Variants in ROBO3 observed in about 807,000 individuals in gnomAD.
ROBO3 encodes the protein roundabout guidance receptor 3, also known as roundabout homolog 3.
A neutral mutation model predicts 160.5 loss-of-function variants in ROBO3; 97 were observed. That is an observed-to-expected ratio of 0.60 (90% confidence interval 0.51 to 0.72). The LOEUF is 0.72. Ranked by LOEUF, ROBO3 falls within the 30% of genes least tolerant of loss-of-function variation. ROBO3 has a pLI of 0.00. For missense variants in ROBO3, 1,858 were observed against 1,846.5 expected (o/e 1.01, Z -0.11); for synonymous variants, 780 against 746.2 (o/e 1.05, Z -0.74).
rs1946250582 is a variant in ROBO3 at position 124,869,482 on chromosome 11, A to G, written c.520A>G (p.Asn174Asp). ...LRDDFRQSPGNVVVAVGEPAV... is the reference protein window; with the variant it reads ...LRDDFRQSPGDVVVAVGEPAV... ...TGATGATTTCCGGCAGTCTCCTGGA[A>G]ACGTGGTGGTGGCAGTGGGGGAGCC... Residue 174 changes from asparagine (N) to aspartate (D), a missense_variant, in exon 3 of 28, where the codon AAC (asparagine) becomes GAC (aspartate). Coordinates refer to ENST00000397801, the MANE Select transcript of ROBO3 (RefSeq NM_022370.4). This position sits in a 1 kb window ranked among gnomAD's most constrained non-coding sequence, Gnocchi z 4.2. 6.7e-6 allele frequency: 10 copies of G among 1,502,552 alleles called. No homozygotes were observed. Among genetic ancestry groups the G allele is most frequent in the Admixed American group, 2.0e-5 (1 of 50,876 alleles). 93.1% of individuals were successfully genotyped at this position (1,502,552 alleles called of 1,614,324 possible).
Position 124,873,677 on chromosome 11 carries a change from A to G in ROBO3, c.1619-20A>G. The stretch of plus-strand genomic sequence containing the variant: ...TATCCTTTCCCTATCTTTCTACTTA[A>G]AGATTATCTCCCACTGCAGAAGACT... On this transcript the variant is annotated intron_variant, in intron 10 of 27. Transcript: ENST00000397801. This position sits in a 1 kb window ranked among gnomAD's most constrained non-coding sequence, Gnocchi z 4.5. The G allele has an allele frequency of 6.3e-7, 1 of 1,593,996 alleles. No individual in the cohort carries two copies. The highest frequency in any genetic ancestry group is 8.5e-7 in the Non-Finnish European group (1 of 1,169,928).
intron 6 of ROBO3, 102 bp downstream of exon 6, chr11:124,870,830 G>A: frequency 6.5e-7 from 1 of 1,545,032 alleles, no homozygotes; most frequent in Non-Finnish European, 8.8e-7. Flanking sequence ...AAGGGCATGT[G>A]GATGGAACAC....
rs1258392367 is a variant in ROBO3 at position 124,879,306 on chromosome 11, C to A, written c.3650C>A (p.Pro1217His). The A allele has an allele frequency of 7.5e-6, 12 of 1,607,658 alleles. No individual in the cohort carries two copies. The East Asian group carries it at 2.7e-4, about 36-fold the overall frequency. ...AGPAASPHLS[P>H]SPAPSTASSA... is the part of the protein sequence containing the mutation. ...CCTGCAGCCTCACCCCACCTCAGCC[C>A]CAGTCCTGCCCCTAGCACAGCCAGC... Residue 1217 changes from proline to histidine, a missense_variant, in exon 24 of 28, where the codon CCC becomes CAC. Pro to His is a moderately conservative substitution (Grantham distance 77). Transcript: ENST00000397801.
At chr11:124,877,224 G>A (rs748000368) in intron 18 of ROBO3, 40 bp downstream of exon 18, 3 of 1,613,974 alleles carry the variant, frequency 1.9e-6, no homozygotes, top group South Asian at 1.1e-5. Flanking sequence ...GACCCCCCGG[G>A]ACGGGCCCTT....
At chr11:124,874,322 T>A (rs1946320938) in intron 12 of ROBO3, 86 bp downstream of exon 12, 1 of 1,247,368 alleles carries the variant, frequency 8.0e-7, no homozygotes, top group African/African-American at 1.5e-5. Context: ...ACCACGGCAG[T>A]TCATACAGTT....
At chr11:124,866,073 G>A (rs949990989) in intron 1 of ROBO3, among the ~76,000 whole-genome samples, 4 of 152,208 alleles carry the variant, frequency 2.6e-5, no homozygotes, top group African/African-American at 4.8e-5. Context: ...AGCGCAGGGA[G>A]GGCAGAGGAG....
chr11:124,868,891 C>T lies in ROBO3; in HGVS notation c.250C>T (p.Pro84Ser), dbSNP rs1440060658. 6.2e-7 allele frequency: 1 copy of T among 1,608,256 alleles called. No homozygotes were observed. The highest frequency in any genetic ancestry group is 8.5e-7 in the Non-Finnish European group (1 of 1,177,994). The change falls in exon 2 of 28, where the codon CCC (proline) becomes TCC (serine). Residue 84 changes from proline to serine, a missense_variant. Transcript: ENST00000397801. The part of the protein sequence containing the change: ...LVSRGEPATL[P>S]CRAEGRPRPN... ...CTCCCGAGGCGAGCCCGCCACGTTG[C>T]CCTGCCGCGCTGAAGGCCGACCCCG...
At chr11:124,879,646 T>C in intron 25 of ROBO3, 71 bp downstream of exon 25, 1 of 1,511,508 alleles carries the variant, frequency 6.6e-7, no homozygotes, top group Non-Finnish European at 9.1e-7. Context: ...AAGGGTGCAC[T>C]CTGGGGGCTG....
rs988041660 is a variant in ROBO3 at position 124,865,844 on chromosome 11, T to A, written c.160+107T>A. 2 of 1,287,822 alleles carry A rather than the reference T, an allele frequency of 1.6e-6. No homozygotes were observed. The highest frequency in any genetic ancestry group is 3.0e-5 in the African/African-American group (2 of 67,044). The allele number at this position is 1,287,822 out of a possible 1,614,324, so 79.8% of individuals were successfully genotyped here. A position where few individuals can be genotyped will look rare whatever the true frequency, so the allele number is the denominator to read the frequency against. ...TCCTGTCCCGAGGTCCGGGATTGAG[T>A]GGCGCCTCCCAGCGCCTCCCTGGGT... On this transcript the variant is annotated intron_variant, in intron 1 of 27. Transcript: ENST00000397801. This position sits in a 1 kb window ranked among gnomAD's most constrained non-coding sequence, Gnocchi z 5.5.
Position 124,878,618 on chromosome 11 carries a change from G to C in ROBO3, c.3355G>C (p.Glu1119Gln). The change falls in exon 23 of 28, where the codon GAG becomes CAG. Residue 1119 changes from glutamate (E) to glutamine (Q), a missense_variant. Transcript: ENST00000397801. This position sits in a 1 kb window ranked among gnomAD's most constrained non-coding sequence, Gnocchi z 4.3. ...AGAGGAGTGGTGCCCGCCAATGCCT[G>C]AGAGAAGTCACCTGACGGAGCCCAG... The part of the protein sequence containing the change: ...EPEEWCPPMP[E>Q]RSHLTEPSSS... 1 of 1,612,982 alleles carries C rather than the reference G, an allele frequency of 6.2e-7. No individual in the cohort carries two copies. Among genetic ancestry groups the C allele is most frequent in the Non-Finnish European group, 8.5e-7 (1 of 1,179,502 alleles).
In ROBO3 at chr11:124,873,703, G is replaced by A. The variant is rs2135330667; in HGVS notation, c.1625G>A (p.Trp542Ter). 1 of 1,611,172 alleles carries A rather than the reference G, an allele frequency of 6.2e-7. No homozygotes were observed. The highest frequency in any genetic ancestry group is 8.5e-7 in the Non-Finnish European group (1 of 1,178,560). ...AGATTATCTCCCACTGCAGAAGACT[G>A]GGGAGTATCACCAGACCCCCCTACA... is the stretch of plus-strand genomic sequence containing the variant. ...WSGWLKMRED[W>*]GVSPDPPTEP... Residue 542 changes from tryptophan (W) to a stop codon, truncating the protein, a stop_gained, in exon 11 of 28, where the codon TGG becomes TAG. Transcript: ENST00000397801. LOFTEE classifies it high-confidence loss of function. This position sits in a 1 kb window ranked among gnomAD's most constrained non-coding sequence, Gnocchi z 4.5.
chr11:124,869,544 G>A lies in ROBO3; in HGVS notation c.582G>A (p.Pro194=), dbSNP rs754751656. The A allele has an allele frequency of 3.3e-6, 5 of 1,530,654 alleles. No individual in the cohort carries two copies. Among genetic ancestry groups the A allele is most frequent in the African/African-American group, 2.8e-5 (2 of 70,542 alleles). The allele number at this position is 1,530,654 out of a possible 1,614,324, so 94.8% of individuals were successfully genotyped here. A position where few individuals can be genotyped will look rare whatever the true frequency, so the allele number is the denominator to read the frequency against. ...AATGCGTGCCCCCCCGCGGCCACCC[G>A]GAGCCTTCCGTGTCCTGGAGGAAGG... ...VLECVPPRGH[P]EPSVSWRKDG... The change falls in exon 3 of 28, where the codon CCG becomes CCA. Residue 194 remains proline, a synonymous_variant. Transcript: ENST00000397801. This position sits in a 1 kb window ranked among gnomAD's most constrained non-coding sequence, Gnocchi z 4.2.
rs777193380 is a variant in ROBO3, at chr11:124,878,157, G to C, written c.3181+26G>C. The stretch of plus-strand genomic sequence containing the variant: ...GTATGACTCCAACTCCTGAAACCCC[G>C]TTTAGCCCTGACCAGGGTATCCCCA... On this transcript the variant is annotated intron_variant, in intron 21 of 27. Transcript: ENST00000397801. This position sits in a 1 kb window ranked among gnomAD's most constrained non-coding sequence, Gnocchi z 4.3. 3 of 1,585,690 alleles carry C rather than the reference G, an allele frequency of 1.9e-6. No homozygotes were observed. In the African/African-American group the frequency reaches 4.0e-5, roughly 21 times the overall value.
chr11:124,876,834 G>C lies in ROBO3; in HGVS notation c.2780-327G>C. On this transcript the variant is annotated intron_variant, in intron 17 of 27. Coordinates refer to ENST00000397801, the MANE Select transcript of ROBO3 (RefSeq NM_022370.4). The surrounding 1 kb of genome is among the most constrained non-coding windows in gnomAD (Gnocchi z 5.3). ...ATCCCAGGCAGTAAATTGTGCGGCG[G>C]GGTCTGGATGGAAAGGCGGGGCCCG... is the stretch of plus-strand genomic sequence containing the variant. 1.8e-6 allele frequency: 1 copy of C among 550,966 alleles called. No homozygotes were observed. The highest frequency in any genetic ancestry group is 3.2e-6 in the Non-Finnish European group (1 of 309,998). 34.1% of individuals were successfully genotyped at this position (550,966 alleles called of 1,614,324 possible). A position where few individuals can be genotyped will look rare whatever the true frequency, so the allele number is the denominator to read the frequency against.
chr11:124,878,440 G>C lies in ROBO3; in HGVS notation c.3320+4G>C. 1 of 1,611,950 alleles carries C rather than the reference G, an allele frequency of 6.2e-7. No individual in the cohort carries two copies. The highest frequency in any genetic ancestry group is 1.1e-5 in the South Asian group (1 of 90,998). On this transcript the variant is annotated splice_donor_region_variant and intron_variant, in intron 22 of 27. Coordinates refer to ENST00000397801, the MANE Select transcript of ROBO3 (RefSeq NM_022370.4). The surrounding 1 kb of genome is among the most constrained non-coding windows in gnomAD (Gnocchi z 4.3). Reference sequence around the variant, plus strand: ...CGGAGGAGGAGCTGGAGGGCAGGTAGAGATGCTCCCTGCTTCCAGGCCCAC... The same window carrying C: ...CGGAGGAGGAGCTGGAGGGCAGGTACAGATGCTCCCTGCTTCCAGGCCCAC...
At position 124,877,161 on chromosome 11, in the gene ROBO3, C is replaced by T. The variant is rs1305131846; in HGVS notation, c.2780C>T (p.Ala927Val). Reference sequence around the variant, plus strand: ...TCTCCCACGGGTTCCTTTCTGGAAGCCTCTTTTGCCTACACACCGGCAGGT... The same window carrying T: ...TCTCCCACGGGTTCCTTTCTGGAAGTCTCTTTTGCCTACACACCGGCAGGT... ...KQRKELSHYT[A>V]SFAYTPAVSF... The change falls in exon 18 of 28, where the codon GCC (alanine) becomes GTC (valine). Residue 927 changes from alanine (A) to valine (V), a missense_variant and splice_region_variant. Physicochemically the swap from Ala to Val is moderately conservative, Grantham distance 64 (BLOSUM62 0). Transcript: ENST00000397801. 1 of 1,613,928 alleles carries T rather than the reference C, an allele frequency of 6.2e-7. No individual in the cohort carries two copies. The highest frequency in any genetic ancestry group is 1.1e-5 in the South Asian group (1 of 91,088).
At chr11:124,880,050 G>A (rs1156844625) in intron 26 of ROBO3, 102 bp downstream of exon 26, 4 of 1,176,698 alleles carry the variant, frequency 3.4e-6, no homozygotes, top group Admixed American at 5.6e-5. Context: ...CCTTTAGTTA[G>A]GTTCATGCAT....
chr11:124,879,686 G>A (rs1043075870), intron 25 of ROBO3, 101 bp from the exon 26 acceptor site: 76 of 1,559,044 alleles, frequency 4.9e-5, no homozygotes, highest in Non-Finnish European at 6.6e-5. Flanking sequence ...CCCAATCTTG[G>A]GCTGTTCATT....
At chr11:124,871,884 A>G (rs945943800) in intron 7 of ROBO3, among the ~76,000 whole-genome samples, 4 of 152,200 alleles carry the variant, frequency 2.6e-5, no homozygotes, top group East Asian at 1.9e-4. Context: ...GACGGTTAGT[A>G]GGGGTGAAGC....
Sources: gnomAD v4.1 joint callset for allele counts (sites outside exome capture counted in the v4.1 genomes callset) on GRCh38, gnomAD v4.1.1 for gene constraint, Gnocchi (gnomAD v3.1) non-coding constraint, MANE v1.5 for transcripts, NCBI Gene and HGNC (gene_info 2026-07-23, HGNC 2026-07-21) for gene names.